The following GALNTL6 variants were observed in gnomAD, a reference collection of about 807,000 sequenced individuals.
GALNTL6 encodes polypeptide N-acetylgalactosaminyltransferase like 6, also known as polypeptide N-acetylgalactosaminyltransferase-like 6.
A neutral mutation model predicts 73.7 loss-of-function variants in GALNTL6; 46 were observed. The ratio of observed to expected loss-of-function variants is 0.62; its 90% CI spans 0.49 to 0.80. The LOEUF is 0.80. Among genes scored for constraint, GALNTL6 ranks in the 30% least tolerant of loss-of-function variants. The pLI, the probability that GALNTL6 is intolerant of heterozygous loss-of-function variation, is 0.00. For missense variants in GALNTL6, 604 were observed against 755.0 expected (o/e 0.80, Z 2.34); for synonymous variants, 259 against 263.7 (o/e 0.98, Z 0.17).
At chr4:172,831,549 G>A (rs536243653) in intron 7 of GALNTL6, among the ~76,000 whole-genome samples, 1 of 152,328 alleles carries the variant, frequency 6.6e-6, no homozygotes, top group African/African-American at 2.4e-5. Context: ...GGGAAAGAAA[G>A]ATGACTTCCA....
At chr4:172,059,676 G>A (rs1227189534) in intron 2 of GALNTL6, among the ~76,000 whole-genome samples, 1 of 152,148 alleles carries the variant, frequency 6.6e-6, no homozygotes, top group Admixed American at 6.6e-5. Flanking sequence ...ATATTTAAAT[G>A]TGAATTGGTT....
intron 3 of GALNTL6, among the ~76,000 whole-genome samples, chr4:172,237,968 A>G (rs1037132817): frequency 1.3e-5 from 2 of 152,118 alleles, no homozygotes; most frequent in Admixed American, 6.5e-5. Context: ...TACTACTACC[A>G]TGCTGTTTTT....
chr4:172,836,008 A>G (rs965714087), intron 7 of GALNTL6, among the ~76,000 whole-genome samples: 8 of 152,026 alleles, frequency 5.3e-5, no homozygotes, highest in African/African-American at 1.9e-4. Flanking sequence ...GGCTTTTGCA[A>G]CTCGGGGCCA....
chr4:172,152,832 A>G (rs965126720), intron 2 of GALNTL6, among the ~76,000 whole-genome samples: 2 of 151,814 alleles, frequency 1.3e-5, no homozygotes, highest in African/African-American at 4.8e-5. Context: ...TTGGTCTCGA[A>G]CTCTTGGCCT....
intron 4 of GALNTL6, among the ~76,000 whole-genome samples, chr4:172,327,803 T>C (rs1329925989): frequency 1.3e-5 from 2 of 152,164 alleles, no homozygotes; most frequent in Non-Finnish European, 2.9e-5. Context: ...GTCAGATGGG[T>C]CTTTTGAAGA....
At chr4:172,004,892 A>G (rs1234832892) in intron 2 of GALNTL6, among the ~76,000 whole-genome samples, 1 of 144,010 alleles carries the variant, frequency 6.9e-6, no homozygotes, top group Non-Finnish European at 1.5e-5. Context: ...TATTTTCTTG[A>G]AAAAAAAAAG....
intron 8 of GALNTL6, among the ~76,000 whole-genome samples, chr4:172,901,126 A>T (rs1306682131): frequency 6.6e-6 from 1 of 152,152 alleles, no homozygotes; most frequent in Non-Finnish European, 1.5e-5. Context: ...GTTTGGTGGG[A>T]ATGATAGATT....
At chr4:171,833,676 T>A (rs955559059) in intron 2 of GALNTL6, among the ~76,000 whole-genome samples, 2 of 151,890 alleles carry the variant, frequency 1.3e-5, no homozygotes, top group Non-Finnish European at 2.9e-5. Flanking sequence ...CATAATATAA[T>A]GTCCGATTTC....
chr4:172,596,574 A>C (rs75301436), intron 5 of GALNTL6, among the ~76,000 whole-genome samples: 1 of 152,152 alleles, frequency 6.6e-6, no homozygotes, highest in Admixed American at 6.5e-5. Flanking sequence ...CAGAGCCTGC[A>C]TGAATAATCA....
At chr4:172,196,420 G>C (rs534364667) in intron 2 of GALNTL6, among the ~76,000 whole-genome samples, 1 of 152,142 alleles carries the variant, frequency 6.6e-6, no homozygotes. Flanking sequence ...AATTGATTAG[G>C]AGGGACTCCT....
chr4:172,019,386 T>TA (rs148345173), intron 2 of GALNTL6, among the ~76,000 whole-genome samples: 3 of 151,804 alleles, frequency 2.0e-5, no homozygotes, highest in East Asian at 1.9e-4. Flanking sequence ...ATGAATGGAT[T>TA]AAAAAAAAGA....
intron 2 of GALNTL6, among the ~76,000 whole-genome samples, chr4:172,158,148 C>G (rs1266879673): frequency 6.6e-6 from 1 of 152,136 alleles, no homozygotes; most frequent in Non-Finnish European, 1.5e-5. Context: ...GTAATCAGCA[C>G]CAGCAGATGG....
At chr4:172,392,079 C>G (rs573140890) in intron 5 of GALNTL6, among the ~76,000 whole-genome samples, 2 of 152,190 alleles carry the variant, frequency 1.3e-5, no homozygotes, top group African/African-American at 4.8e-5. Context: ...ACCTCTGCCT[C>G]CTGGGTTCAA....
chr4:172,571,884 G>T (rs1207964171), intron 5 of GALNTL6, among the ~76,000 whole-genome samples: 1 of 152,142 alleles, frequency 6.6e-6, no homozygotes, highest in Non-Finnish European at 1.5e-5. Flanking sequence ...TCAAATGGTT[G>T]CAACTCCTGG....
intron 8 of GALNTL6, among the ~76,000 whole-genome samples, chr4:172,905,689 A>G (rs545793636): frequency 6.6e-6 from 1 of 152,124 alleles, no homozygotes; most frequent in Non-Finnish European, 1.5e-5. Flanking sequence ...AAGTTTCCCT[A>G]CATGGTACAT....
chr4:172,735,635 C>G (rs1294546986), intron 5 of GALNTL6, among the ~76,000 whole-genome samples: 1 of 152,044 alleles, frequency 6.6e-6, no homozygotes, highest in Non-Finnish European at 1.5e-5. Context: ...TTGGGAGGGG[C>G]CCAGGGTGGA....
At position 172,156,555 on chromosome 4, in the gene GALNTL6, A is replaced by ATATATAC. The variant is rs1553997735; in HGVS notation, c.139-73095_139-73094insCTATATA. Among the ~76,000 whole-genome samples the ATATATAC allele has an allele frequency of 2.3e-3, 314 of 136,430 alleles. 15 individuals carry two copies. The highest frequency in any genetic ancestry group is 8.7e-3 in the African/African-American group (297 of 34,328). The allele number at this position is 136,430 out of a possible 152,430, so 89.5% of individuals were successfully genotyped here. On this transcript the variant is annotated intron_variant, in intron 2 of 12. Transcript: ENST00000506823. ...ATATATATATAATATATATATATATATATATATATATACATACTATATATA... is the reference window on the plus strand; with the variant it reads ...ATATATATATAATATATATATATATATATATACTATATATATATACATACTATATATA...
Position 172,206,805 on chromosome 4 carries a change from G to GTTTGTTTTTTTTTTTTTTTTTTTTTTTTT in GALNTL6, c.139-22848_139-22847insGTTTTTTTTTTTTTTTTTTTTTTTTTTTT, listed in dbSNP as rs1554003003. Among the ~76,000 whole-genome samples the GTTTGTTTTTTTTTTTTTTTTTTTTTTTTT allele has an allele frequency of 3.8e-4, 10 of 26,130 alleles. 3 individuals carry two copies. The highest frequency in any genetic ancestry group is 5.7e-4 in the African/African-American group (6 of 10,512). 17.1% of individuals were successfully genotyped at this position (26,130 alleles called of 152,430 possible). ...TTGTTTTGTTTTGTTTTGTTTTTCT[G>GTTTGTTTTTTTTTTTTTTTTTTTTTTTTT]TTTTTTTTGTTTGTTTTTTTTTTTT... On this transcript the variant is annotated intron_variant, in intron 2 of 12. Coordinates refer to ENST00000506823, the MANE Select transcript of GALNTL6 (RefSeq NM_001034845.3).
At chr4:172,453,199 C>A (rs1332352037) in intron 5 of GALNTL6, among the ~76,000 whole-genome samples, 1 of 149,080 alleles carries the variant, frequency 6.7e-6, no homozygotes, top group East Asian at 1.9e-4. Context: ...AAGACTCTGT[C>A]TCAGAAAAAA....
Sources: allele counts gnomAD v4.1 joint callset (sites outside exome capture counted in the v4.1 genomes callset), GRCh38; gene constraint gnomAD v4.1.1; transcripts MANE v1.5; gene names NCBI Gene and HGNC (gene_info 2026-07-23, HGNC 2026-07-21).